The following GALNT2 variants were observed in gnomAD, a reference collection of about 807,000 sequenced individuals.
GALNT2 encodes the protein UDP-GalNAc:polypeptide N-acetylgalactosaminyltransferase 2.
In GALNT2, 31 loss-of-function variants were observed where a neutral mutation model predicts 81.4. That is an observed-to-expected ratio of 0.38 (90% CI 0.29 to 0.51). The LOEUF is 0.51. GALNT2 is among the 20% of genes least tolerant of loss of function. GALNT2 has a pLI of 0.87. For missense variants in GALNT2, 629 were observed against 765.7 expected, an observed-to-expected ratio of 0.82 and a Z score of 2.11; for synonymous variants, 303 against 287.4, an observed-to-expected ratio of 1.05 and a Z score of -0.55.
intron 11 of GALNT2, among the ~76,000 whole-genome samples, chr1:230,258,463 G>A (rs1223188438): frequency 2.0e-5 from 3 of 151,548 alleles, no homozygotes; most frequent in Non-Finnish European, 4.4e-5. Flanking sequence ...GACCTCAAGT[G>A]ATCCACCCGC....
upstream of GALNT2, among the ~76,000 whole-genome samples, chr1:230,065,657 C>T (rs554316720): frequency 9.2e-5 from 14 of 152,240 alleles, no homozygotes; most frequent in South Asian, 4.1e-4. Context: ...GCAGGGTTCC[C>T]GGTTCAAGAG....
At chr1:230,277,859 T>C (rs1259071648) in intron 15 of GALNT2, among the ~76,000 whole-genome samples, 2 of 152,218 alleles carry the variant, frequency 1.3e-5, no homozygotes, top group African/African-American at 4.8e-5. Flanking sequence ...CGTCCATGTT[T>C]TCATATGTTG....
intron 1 of GALNT2, among the ~76,000 whole-genome samples, chr1:230,096,980 G>T (rs891952737): frequency 2.6e-5 from 4 of 152,140 alleles, no homozygotes; most frequent in African/African-American, 9.7e-5. Context: ...TAAATTTGTT[G>T]GGAGAACATC....
Position 230,281,163 on chromosome 1 carries a change from T to G in GALNT2, c.*1705T>G, listed in dbSNP as rs527832746. The G allele has an allele frequency of 6.6e-6, 1 of 152,348 alleles. No individual in the cohort carries two copies. The highest frequency in any genetic ancestry group is 2.4e-5 in the African/African-American group (1 of 41,530). The allele number at this position is 152,348 out of a possible 1,614,324, so 9.4% of individuals were successfully genotyped here. A position where few individuals can be genotyped will look rare whatever the true frequency, so the allele number is the denominator to read the frequency against. ...GCCATGCTCCTCCCTGTGTCTTGTATGAAAGGGGCCACTGTGTGTCTTCCT... is the reference window on the plus strand; with the variant it reads ...GCCATGCTCCTCCCTGTGTCTTGTAGGAAAGGGGCCACTGTGTGTCTTCCT... On this transcript the variant is annotated 3_prime_UTR_variant, in exon 16 of 16. Coordinates refer to ENST00000366672, the MANE Select transcript of GALNT2 (RefSeq NM_004481.5).
intron 1 of GALNT2, among the ~76,000 whole-genome samples, chr1:230,129,050 GC>G (rs1661285532): frequency 6.6e-6 from 1 of 152,238 alleles, no homozygotes; most frequent in South Asian, 2.1e-4. Flanking sequence ...GCCAAATGCC[GC>G]CGCTAGCGAC....
chr1:230,243,355 C>T lies in GALNT2; in HGVS notation c.657C>T (p.Val219=), dbSNP rs777847839. The T allele has an allele frequency of 1.2e-6, 2 of 1,612,114 alleles. No homozygotes were observed. The highest frequency in any genetic ancestry group is 3.3e-5 in the Admixed American group (2 of 59,986). The change falls in exon 7 of 16, where the codon GTC becomes GTT. Residue 219 remains valine (V), a synonymous_variant. Coordinates refer to ENST00000366672, the MANE Select transcript of GALNT2 (RefSeq NM_004481.5). This position sits in a 1 kb window ranked among gnomAD's most constrained non-coding sequence, Gnocchi z 4.2. ...VRGADAAQAK[V]LTFLDSHCEC... ...GGGCCGATGCTGCCCAAGCCAAGGT[C>T]CTGACCTTCCTGGACAGTCACTGCG...
intron 1 of GALNT2, among the ~76,000 whole-genome samples, chr1:230,099,116 G>A (rs990192097): frequency 3.3e-5 from 5 of 152,208 alleles, no homozygotes; most frequent in Admixed American, 3.3e-4. Context: ...AGTCTCCTCT[G>A]TTACACCAGT....
intron 3 of GALNT2, among the ~76,000 whole-genome samples, chr1:230,227,435 A>G (rs919501924): frequency 6.7e-6 from 1 of 150,170 alleles, no homozygotes; most frequent in Non-Finnish European, 1.5e-5. Context: ...TAATACAGCT[A>G]TATATATATA....
intron 3 of GALNT2, among the ~76,000 whole-genome samples, chr1:230,223,248 A>T (rs973897141): frequency 1.3e-5 from 2 of 149,474 alleles, no homozygotes; most frequent in African/African-American, 5.0e-5. Context: ...GCTGTCCTTG[A>T]ACAAGTTTTC....
rs575984319 is a variant in GALNT2, at chr1:230,235,636, G to A, written c.375-378G>A. Among the ~76,000 whole-genome samples the A allele has an allele frequency of 2.6e-4, 40 of 152,318 alleles. 1 individual carries two copies. Among genetic ancestry groups the A allele is most frequent in the African/African-American group, 8.7e-4 (36 of 41,582 alleles). ...TAGAAAACAAGAAAAGAGCAGTGGC[G>A]CACAGTTGGTTCTGCCCTTCGGAAA... On this transcript the variant is annotated intron_variant, in intron 3 of 15. Coordinates refer to ENST00000366672, the MANE Select transcript of GALNT2 (RefSeq NM_004481.5).
upstream of GALNT2, among the ~76,000 whole-genome samples, chr1:230,062,620 T>C (rs1349598325): frequency 6.6e-6 from 1 of 152,234 alleles, no homozygotes; most frequent in African/African-American, 2.4e-5. Context: ...ATTTGTCTTT[T>C]TGTGTCTCGC....
intron 2 of GALNT2, among the ~76,000 whole-genome samples, chr1:230,183,315 T>C (rs1392428944): frequency 1.3e-5 from 2 of 152,214 alleles, no homozygotes; most frequent in Admixed American, 6.5e-5. Context: ...ATATTTGTTA[T>C]TGTTTTTTAT....
intron 2 of GALNT2, among the ~76,000 whole-genome samples, chr1:230,201,771 T>C (rs1663899679): frequency 6.6e-6 from 1 of 152,208 alleles, no homozygotes. Context: ...GGCATGCTCA[T>C]GTCGACACTA....
chr1:230,190,381 C>T (rs1263430406), intron 2 of GALNT2, among the ~76,000 whole-genome samples: 3 of 152,208 alleles, frequency 2.0e-5, no homozygotes, highest in Non-Finnish European at 2.9e-5. Flanking sequence ...CTTGAAGCCT[C>T]AGGCCTTGCA....
chr1:230,121,776 A>G (rs1265269148), intron 1 of GALNT2, among the ~76,000 whole-genome samples: 2 of 152,160 alleles, frequency 1.3e-5, no homozygotes, highest in Non-Finnish European at 2.9e-5. Flanking sequence ...CCCACTTTGC[A>G]TAGATCCCAA....
rs1208487945 is a variant in GALNT2 at position 230,271,439 on chromosome 1, A to G, written c.1441-3006A>G. ...ATTCTCCAATTCTCTGCGGACACTGAGTGTCATGCCTGTCAACTCAGTTCT... is the reference window on the plus strand; with the variant it reads ...ATTCTCCAATTCTCTGCGGACACTGGGTGTCATGCCTGTCAACTCAGTTCT... On this transcript the variant is annotated intron_variant, in intron 14 of 15. Transcript: ENST00000366672. This position sits in a 1 kb window ranked among gnomAD's most constrained non-coding sequence, Gnocchi z 4.2. Among the ~76,000 whole-genome samples the G allele has an allele frequency of 2.0e-5, 3 of 152,160 alleles. No individual in the cohort carries two copies. The highest frequency in any genetic ancestry group is 4.4e-5 in the Non-Finnish European group (3 of 68,048).
chr1:230,152,888 T>C (rs1662134837), intron 1 of GALNT2, among the ~76,000 whole-genome samples: 1 of 152,212 alleles, frequency 6.6e-6, no homozygotes, highest in Non-Finnish European at 1.5e-5. Flanking sequence ...CCTCAGGCTT[T>C]AGCTTCTTGC....
chr1:230,181,445 C>T (rs114841061), intron 2 of GALNT2, among the ~76,000 whole-genome samples: 3,385 of 152,164 alleles, frequency 0.022, 119 homozygotes, highest in African/African-American at 0.075. Flanking sequence ...ATAAATCCTA[C>T]TTGATCATGG....
chr1:230,177,981 A>G (rs1296593590), intron 1 of GALNT2, among the ~76,000 whole-genome samples: 1 of 152,220 alleles, frequency 6.6e-6, no homozygotes, highest in East Asian at 1.9e-4. Flanking sequence ...CAAATATAAA[A>G]TGAAGAGAGA....
Sources: allele counts gnomAD v4.1 joint callset (sites outside exome capture counted in the v4.1 genomes callset), GRCh38; gene constraint gnomAD v4.1.1; non-coding constraint Gnocchi (gnomAD v3.1); transcripts MANE v1.5; gene names NCBI Gene and HGNC (gene_info 2026-07-23, HGNC 2026-07-21).